BTNL3: variants seen among roughly 807,000 people sequenced by gnomAD.
BTNL3 encodes the protein butyrophilin like 3.
A neutral mutation model predicts 40.1 loss-of-function variants in BTNL3; 20 were observed. The observed-to-expected ratio is 0.50, with a 90% CI of 0.35 to 0.72. The LOEUF (loss-of-function observed/expected upper bound fraction) is 0.72, where lower values mean the gene tolerates loss of function less well. Ranked by LOEUF, BTNL3 falls within the 30% of genes least tolerant of loss-of-function variation. The pLI, the probability that BTNL3 is intolerant of heterozygous loss-of-function variation, is 0.01. For missense variants in BTNL3, 449 were observed against 582.2 expected (o/e 0.77, Z 2.35); for synonymous variants, 179 against 222.1 (o/e 0.81, Z 1.73).
At position 181,006,290 on chromosome 5, in the gene BTNL3, G is replaced by C; in HGVS notation, c.*418G>C. On this transcript the variant is annotated 3_prime_UTR_variant, in exon 8 of 8. Coordinates refer to ENST00000342868, the MANE Select transcript of BTNL3 (RefSeq NM_197975.3). Reference sequence around the variant, plus strand: ...GAATGTGAATCATGCTTGCAGGTTTGAGGGCACAGTGTTTGCTAATGATGT... The same window carrying C: ...GAATGTGAATCATGCTTGCAGGTTTCAGGGCACAGTGTTTGCTAATGATGT... The C allele has an allele frequency of 2.8e-6, 1 of 361,768 alleles. No individual in the cohort carries two copies. Among genetic ancestry groups the C allele is most frequent in the Non-Finnish European group, 4.9e-6 (1 of 203,594 alleles). The allele number at this position is 361,768 out of a possible 1,614,324, so 22.4% of individuals were successfully genotyped here.
chr5:181,005,171 T>C lies in BTNL3; in HGVS notation c.863-163T>C, dbSNP rs116923507. 2.8e-4 allele frequency among the ~76,000 whole-genome samples: 42 copies of C among 152,068 alleles called. 1 individual carries two copies. The East Asian group carries it at 7.4e-3, about 27-fold the overall frequency. On this transcript the variant is annotated intron_variant, in intron 7 of 7. Transcript: ENST00000342868. ...ATGGTTGAGCATCTCCAAGCATCAG[T>C]GAGGCACGGGGGCTGCCCTGGAGAA...
chr5:180,990,742 G>T (rs1320169839), intron 1 of BTNL3, among the ~76,000 whole-genome samples: 2 of 137,736 alleles, frequency 1.5e-5, no homozygotes, highest in African/African-American at 5.0e-5. Context: ...CCTTTCTGCA[G>T]GTGGTTTGTT....
At chr5:180,994,987 C>T (rs533682661) in intron 2 of BTNL3, among the ~76,000 whole-genome samples, 5 of 135,388 alleles carry the variant, frequency 3.7e-5, no homozygotes, top group Non-Finnish European at 8.4e-5. Context: ...CGGGGTTTCA[C>T]CGTGTTAACC....
chr5:180,994,887 G>A (rs1760015718), intron 2 of BTNL3, among the ~76,000 whole-genome samples: 1 of 134,178 alleles, frequency 7.5e-6, no homozygotes. Flanking sequence ...CCGGGTTCAC[G>A]CCATTCTCCT....
chr5:180,999,381 TAAAC>T (rs1437195723), intron 3 of BTNL3, among the ~76,000 whole-genome samples: 1 of 136,676 alleles, frequency 7.3e-6, no homozygotes, highest in Admixed American at 7.8e-5. Flanking sequence ...ACAGCACAAT[TAAAC>T]AAGGCAGGAA....
chr5:181,002,451 C>G lies in BTNL3; in HGVS notation c.674-221C>G, dbSNP rs1245043716. Among the ~76,000 whole-genome samples, 5 of 76,298 alleles carry G rather than the reference C, an allele frequency of 6.6e-5. 1 individual carries two copies. The highest frequency in any genetic ancestry group is 1.3e-4 in the Non-Finnish European group (5 of 37,716). The allele number at this position is 76,298 out of a possible 152,430, so 50.1% of individuals were successfully genotyped here. A position where few individuals can be genotyped will look rare whatever the true frequency, so the allele number is the denominator to read the frequency against. On this transcript the variant is annotated intron_variant, in intron 3 of 7. Transcript: ENST00000342868. ...TATAAAGAAATGCAAAGCTTTAACG[C>G]GCACACACACACACACGTGAATATA...
chr5:180,992,226 CA>C (rs11364950), intron 1 of BTNL3, among the ~76,000 whole-genome samples: 25,989 of 136,044 alleles, frequency 0.19, 6,357 homozygotes, highest in African/African-American at 0.3. Flanking sequence ...CAGAATATGG[CA>C]GAAGTCTACT....
chr5:181,005,268 C>G, intron 7 of BTNL3, 66 bp from the exon 8 acceptor site: 1 of 1,594,350 alleles, frequency 6.3e-7, no homozygotes, highest in Non-Finnish European at 8.5e-7. Flanking sequence ...GAGGGTCGAC[C>G]TCTTGCTCCA....
chr5:180,991,706 C>T (rs1255774164), intron 1 of BTNL3, among the ~76,000 whole-genome samples: 3 of 136,762 alleles, frequency 2.2e-5, no homozygotes, highest in African/African-American at 7.6e-5. Context: ...AGCTAAAAGT[C>T]GTGCAGGGAA....
Position 181,005,711 on chromosome 5 carries a change from G to A in BTNL3, c.1240G>A (p.Glu414Lys). Residue 414 changes from glutamate (E) to lysine (K), a missense_variant, in exon 8 of 8, where the codon GAG (glutamate) becomes AAG (lysine). Physicochemically the swap from Glu to Lys is moderately conservative, Grantham distance 56. Coordinates refer to ENST00000342868, the MANE Select transcript of BTNL3 (RefSeq NM_197975.3). The stretch of plus-strand genomic sequence containing the variant: ...ACGAGTAGGGGTCTTCCTGGACTAT[G>A]AGGGTGGGACCATCTCCTTCTTCAA... Reference protein sequence around the residue: ...PTRVGVFLDYEGGTISFFNTN... With the variant: ...PTRVGVFLDYKGGTISFFNTN... The A allele has an allele frequency of 6.2e-7, 1 of 1,614,100 alleles. No homozygotes were observed. Among genetic ancestry groups the A allele is most frequent in the African/African-American group, 1.3e-5 (1 of 75,008 alleles).
At chr5:181,002,514 G>C (rs1411793085) in intron 3 of BTNL3, among the ~76,000 whole-genome samples, 158 bp from the exon 4 acceptor site, 1 of 91,432 alleles carries the variant, frequency 1.1e-5, no homozygotes, top group African/African-American at 3.7e-5. Flanking sequence ...ATGAAATCCG[G>C]ATGGATCAAG....
chr5:180,999,132 T>A lies in BTNL3; in HGVS notation c.673+1644T>A, dbSNP rs971910424. On this transcript the variant is annotated intron_variant, in intron 3 of 7. Coordinates refer to ENST00000342868, the MANE Select transcript of BTNL3 (RefSeq NM_197975.3). ...ATAGAGCAAGACTCCATCTCAAAAA[T>A]ATATATATATATATCCTTTAATGCT... is the stretch of plus-strand genomic sequence containing the variant. Among the ~76,000 whole-genome samples the A allele has an allele frequency of 9.1e-4, 122 of 134,280 alleles. 25 individuals carry two copies. Among genetic ancestry groups the A allele is most frequent in the Admixed American group, 4.8e-4 (6 of 12,556 alleles). The allele number at this position is 134,280 out of a possible 152,430, so 88.1% of individuals were successfully genotyped here. A position where few individuals can be genotyped will look rare whatever the true frequency, so the allele number is the denominator to read the frequency against.
At chr5:181,000,832 T>A (rs1227678761) in intron 3 of BTNL3, among the ~76,000 whole-genome samples, 1 of 133,588 alleles carries the variant, frequency 7.5e-6, no homozygotes, top group Non-Finnish European at 1.7e-5. Flanking sequence ...TAAAATAAAA[T>A]AAAAAAATAA....
rs748498179 is a variant in BTNL3, at chr5:181,005,310, C to T, written c.863-24C>T. On this transcript the variant is annotated intron_variant, in intron 7 of 7. Transcript: ENST00000342868. Reference sequence around the variant, plus strand: ...ATTTCGTCTTCAGTAACTCATGCTTCCTCTCTCCCCCACCGCACCCCAGTG... The same window carrying T: ...ATTTCGTCTTCAGTAACTCATGCTTTCTCTCTCCCCCACCGCACCCCAGTG... 6 of 1,607,300 alleles carry T rather than the reference C, an allele frequency of 3.7e-6. No homozygotes were observed. The East Asian group carries it at 1.3e-4, about 36-fold the overall frequency.
At position 180,993,030 on chromosome 5, in the gene BTNL3, G is replaced by A. The variant is rs781686207; in HGVS notation, c.267G>A (p.Lys89=). Residue 89 remains lysine (K), a synonymous_variant, in exon 2 of 8, where the codon AAG becomes AAA. Transcript: ENST00000342868. ...PQYRGRTEFV[K]DSIAGGRVSL... is the part of the protein sequence containing the mutation. ...ATCGAGGGAGAACTGAGTTTGTGAA[G>A]GACTCCATTGCAGGGGGGCGTGTCT... is the stretch of plus-strand genomic sequence containing the variant. 4.1e-6 allele frequency: 6 copies of A among 1,458,534 alleles called. 1 individual carries two copies. In the African/African-American group the frequency reaches 5.5e-5, roughly 13 times the overall value. The allele number at this position is 1,458,534 out of a possible 1,614,324, so 90.3% of individuals were successfully genotyped here.
rs1334378802 is a variant in BTNL3 at position 181,005,556 on chromosome 5, T to G, written c.1085T>G (p.Val362Gly). 6.2e-7 allele frequency: 1 copy of G among 1,613,922 alleles called. No homozygotes were observed. Among genetic ancestry groups the G allele is most frequent in the Admixed American group, 1.7e-5 (1 of 60,004 alleles). The change falls in exon 8 of 8, where the codon GTA becomes GGA. Residue 362 changes from valine to glycine, a missense_variant. Coordinates refer to ENST00000342868, the MANE Select transcript of BTNL3 (RefSeq NM_197975.3). ...GWYVGVCRDD[V>G]DRGKNNVTLS... ...TATGTGGGAGTGTGTCGGGATGACG[T>G]AGACAGGGGGAAGAACAATGTGACT... is the stretch of plus-strand genomic sequence containing the variant.
At position 180,997,850 on chromosome 5, in the gene BTNL3, T is replaced by C. The variant is rs990801821; in HGVS notation, c.673+362T>C. Among the ~76,000 whole-genome samples the C allele has an allele frequency of 8.8e-5, 12 of 137,002 alleles. 2 individuals are homozygous for C. The highest frequency in any genetic ancestry group is 2.5e-4 in the African/African-American group (10 of 39,760). The allele number at this position is 137,002 out of a possible 152,430, so 89.9% of individuals were successfully genotyped here. ...TCCTTCATGAAGCAGAATAAAACTGTAGAAAATTTCAGAAAGGATTTACAA... is the reference window on the plus strand; with the variant it reads ...TCCTTCATGAAGCAGAATAAAACTGCAGAAAATTTCAGAAAGGATTTACAA... On this transcript the variant is annotated intron_variant, in intron 3 of 7. Coordinates refer to ENST00000342868, the MANE Select transcript of BTNL3 (RefSeq NM_197975.3).
intron 3 of BTNL3, among the ~76,000 whole-genome samples, chr5:180,998,534 T>C (rs1760063088): frequency 7.3e-6 from 1 of 136,918 alleles, no homozygotes; most frequent in East Asian, 2.1e-4. Context: ...ACATTAATTT[T>C]TACCACACTT....
chr5:180,990,823 G>A (rs1286749335), intron 1 of BTNL3, among the ~76,000 whole-genome samples: 1 of 136,926 alleles, frequency 7.3e-6, no homozygotes, highest in African/African-American at 2.5e-5. Flanking sequence ...AAGCCATAGA[G>A]GGTGCGCTAA....
Sources: gnomAD v4.1 joint callset for allele counts (sites outside exome capture counted in the v4.1 genomes callset) on GRCh38, gnomAD v4.1.1 for gene constraint, MANE v1.5 for transcripts, NCBI Gene and HGNC (gene_info 2026-07-23, HGNC 2026-07-21) for gene names.